The following PCDHGA7 variants were observed in gnomAD, a reference collection of about 807,000 sequenced individuals.
PCDHGA7 encodes the protein protocadherin gamma subfamily A, 7.
Under a neutral mutation model 58.3 loss-of-function variants are expected in PCDHGA7, and 44 were observed. That is an observed-to-expected ratio of 0.75 (90% CI 0.59 to 0.97). The LOEUF (loss-of-function observed/expected upper bound fraction) is 0.97. Ranked by LOEUF, PCDHGA7 falls within the 50% of genes least tolerant of loss-of-function variation. PCDHGA7 has a pLI of 0.00. For missense variants in PCDHGA7, 1,266 were observed against 1,188.7 expected, an observed-to-expected ratio of 1.06 and a Z score of -0.96; for synonymous variants, 516 against 504.2, an observed-to-expected ratio of 1.02 and a Z score of -0.31.
At position 141,490,370 on chromosome 5, in the gene PCDHGA7, G is replaced by C. The variant is rs768474199; in HGVS notation, c.2425-4437G>C. ...GTGGGGTTGTTTAATGTGCGAGACC[G>C]GGACTCAGGTAGAAATGGTGAAGTG... On this transcript the variant is annotated intron_variant, in intron 1 of 3. Coordinates refer to ENST00000518325, the MANE Select transcript of PCDHGA7 (RefSeq NM_018920.4). The surrounding 1 kb of genome is among the most constrained non-coding windows in gnomAD (Gnocchi z 5.4). 1 of 1,614,172 alleles carries C rather than the reference G, an allele frequency of 6.2e-7. No individual in the cohort carries two copies. Among genetic ancestry groups the C allele is most frequent in the Admixed American group, 1.7e-5 (1 of 60,026 alleles).
rs754433753 is a variant in PCDHGA7 at position 141,399,914 on chromosome 5, A to G, written c.2424+14591A>G. On this transcript the variant is annotated intron_variant, in intron 1 of 3. Transcript: ENST00000518325. ...GTGGCCGTGGACGCAGACTCAGGACACAACGCCTGGCTGTCCTACCACGTG... is the reference window on the plus strand; with the variant it reads ...GTGGCCGTGGACGCAGACTCAGGACGCAACGCCTGGCTGTCCTACCACGTG... The G allele has an allele frequency of 2.7e-5, 44 of 1,612,236 alleles. No homozygotes were observed. In the Admixed American group the frequency reaches 7.3e-4, roughly 27 times the overall value.
At position 141,487,934 on chromosome 5, in the gene PCDHGA7, C is replaced by G; in HGVS notation, c.2425-6873C>G. 4.9e-6 allele frequency: 3 copies of G among 607,674 alleles called. No individual in the cohort carries two copies. Among genetic ancestry groups the G allele is most frequent in the Non-Finnish European group, 5.8e-6 (2 of 347,576 alleles). The allele number at this position is 607,674 out of a possible 1,614,324, so 37.6% of individuals were successfully genotyped here. A position where few individuals can be genotyped will look rare whatever the true frequency, so the allele number is the denominator to read the frequency against. On this transcript the variant is annotated intron_variant, in intron 1 of 3. Transcript: ENST00000518325. The surrounding 1 kb of genome is among the most constrained non-coding windows in gnomAD (Gnocchi z 5.0). ...ACAGGAGGCTACAGTGCACAGGGTA[C>G]AGTGCACCAGGCAGTCACTTGGACA... is the stretch of plus-strand genomic sequence containing the variant.
intron 1 of PCDHGA7, chr5:141,422,184 A>T: frequency 6.4e-7 from 1 of 1,561,838 alleles, no homozygotes; most frequent in Non-Finnish European, 8.6e-7. Context: ...ATGAGATGGA[A>T]ATTCAAGGCC....
At chr5:141,395,374 T>A in intron 1 of PCDHGA7, 1 of 1,187,898 alleles carries the variant, frequency 8.4e-7, no homozygotes. Context: ...ATTTTGGTGG[T>A]GTTACTATAA....
chr5:141,510,510 G>C (rs1042950478), intron 3 of PCDHGA7, among the ~76,000 whole-genome samples: 1 of 152,132 alleles, frequency 6.6e-6, no homozygotes, highest in Non-Finnish European at 1.5e-5. Context: ...CTGAGAGCCC[G>C]TGTCACAGCC....
chr5:141,494,661 G>A, intron 1 of PCDHGA7, 146 bp from the exon 2 acceptor site: 2 of 1,492,976 alleles, frequency 1.3e-6, no homozygotes, highest in Non-Finnish European at 1.8e-6. Context: ...TTTGTCTTTG[G>A]AGATGAGTCC....
chr5:141,427,222 A>G (rs536161247), intron 1 of PCDHGA7: 1 of 456,774 alleles, frequency 2.2e-6, no homozygotes, highest in South Asian at 1.5e-5. Flanking sequence ...CGTAGCAGTT[A>G]TACCATGAGA....
intron 1 of PCDHGA7, chr5:141,393,962 CTG>C: frequency 6.2e-7 from 1 of 1,613,894 alleles, no homozygotes; most frequent in Non-Finnish European, 8.5e-7. Context: ...GTCAAGTTGT[CTG>C]TTACACACGT....
At chr5:141,465,730 T>G (rs1373873081) in intron 1 of PCDHGA7, among the ~76,000 whole-genome samples, 2 of 152,186 alleles carry the variant, frequency 1.3e-5, no homozygotes, top group Non-Finnish European at 2.9e-5. Context: ...CCTCTTGTGC[T>G]TTGTTTTCAG....
chr5:141,385,308 C>G lies in PCDHGA7; in HGVS notation c.2409C>G (p.Asn803Lys). ...TSVDFQECKE[N>K]LPSIQQAPPN... The stretch of plus-strand genomic sequence containing the variant: ...TAGATTTTCAGGAATGTAAAGAAAA[C>G]CTGCCAAGTATTCAGGTGAGCCCAG... Residue 803 changes from asparagine (N) to lysine (K), a missense_variant, in exon 1 of 4, where the codon AAC (asparagine) becomes AAG (lysine). Physicochemically the swap from Asn to Lys is moderately conservative, Grantham distance 94. Coordinates refer to ENST00000518325, the MANE Select transcript of PCDHGA7 (RefSeq NM_018920.4). 1.9e-6 allele frequency: 3 copies of G among 1,612,216 alleles called. No individual in the cohort carries two copies. Among genetic ancestry groups the G allele is most frequent in the Non-Finnish European group, 2.5e-6 (3 of 1,178,868 alleles).
chr5:141,492,503 A>G (rs1341352458), intron 1 of PCDHGA7, among the ~76,000 whole-genome samples: 1 of 151,188 alleles, frequency 6.6e-6, no homozygotes, highest in Non-Finnish European at 1.5e-5. Context: ...AGGACTCCGG[A>G]GCCTCCTCTC....
Position 141,483,506 on chromosome 5 carries a change from T to A in PCDHGA7, c.2425-11301T>A, listed in dbSNP as rs964063329. ...AGGGACAGGGATGAGTCAAGGCTGA[T>A]CCCCCTAGATCCTGACTAAGGAAGC... On this transcript the variant is annotated intron_variant, in intron 1 of 3. Coordinates refer to ENST00000518325, the MANE Select transcript of PCDHGA7 (RefSeq NM_018920.4). Among the ~76,000 whole-genome samples the A allele has an allele frequency of 2.7e-5, 4 of 148,396 alleles. No individual in the cohort carries two copies. In the South Asian group the frequency reaches 8.5e-4, roughly 32 times the overall value.
chr5:141,477,778 C>A lies in PCDHGA7; in HGVS notation c.2425-17029C>A. The stretch of plus-strand genomic sequence containing the variant: ...TCCTAGCCACCAACATCAGCGTGAA[C>A]ATATTTGTCACTGATCGCAATGACA... On this transcript the variant is annotated intron_variant, in intron 1 of 3. Coordinates refer to ENST00000518325, the MANE Select transcript of PCDHGA7 (RefSeq NM_018920.4). The surrounding 1 kb of genome is among the most constrained non-coding windows in gnomAD (Gnocchi z 4.9). The A allele has an allele frequency of 6.2e-7, 1 of 1,614,052 alleles. No individual in the cohort carries two copies. The highest frequency in any genetic ancestry group is 8.5e-7 in the Non-Finnish European group (1 of 1,180,040).
chr5:141,416,053 A>T (rs2095987443), intron 1 of PCDHGA7: 1 of 181,266 alleles, frequency 5.5e-6, no homozygotes, highest in South Asian at 1.8e-4. Flanking sequence ...CACAACCCAA[A>T]TCCAAGAATA....
Position 141,476,370 on chromosome 5 carries a change from A to G in PCDHGA7, c.2425-18437A>G, listed in dbSNP as rs747703594. 13 of 1,613,882 alleles carry G rather than the reference A, an allele frequency of 8.1e-6. No individual in the cohort carries two copies. In the East Asian group the frequency reaches 2.7e-4, roughly 33 times the overall value. On this transcript the variant is annotated intron_variant, in intron 1 of 3. Transcript: ENST00000518325. This position sits in a 1 kb window ranked among gnomAD's most constrained non-coding sequence, Gnocchi z 7.6. ...TTTGAGGTGAACCGGGAGACCGGAG[A>G]GATGTTTGTGAACGACCGTCTGGAT...
At chr5:141,474,606 T>C (rs1156236978) in intron 1 of PCDHGA7, among the ~76,000 whole-genome samples, 1 of 152,242 alleles carries the variant, frequency 6.6e-6, no homozygotes, top group Non-Finnish European at 1.5e-5. Context: ...ATAGGTCACA[T>C]ATGGCTTTTC....
chr5:141,458,404 G>A lies in PCDHGA7; in HGVS notation c.2425-36403G>A, dbSNP rs183963289. Among the ~76,000 whole-genome samples the A allele has an allele frequency of 4.6e-5, 7 of 152,218 alleles. No homozygotes were observed. The East Asian group carries it at 5.8e-4, about 13-fold the overall frequency. ...GGAAGACGCTCCCCCTTGCAGAGAC[G>A]GAGCGGGGGTTCCAAAGCTGAAAGA... On this transcript the variant is annotated intron_variant, in intron 1 of 3. Transcript: ENST00000518325.
chr5:141,398,740 C>T, intron 1 of PCDHGA7: 1 of 1,613,864 alleles, frequency 6.2e-7, no homozygotes, highest in Non-Finnish European at 8.5e-7. Flanking sequence ...CCGGGAACAA[C>T]AGAGTTACCA....
Position 141,476,540 on chromosome 5 carries a change from T to C in PCDHGA7, c.2425-18267T>C, listed in dbSNP as rs148362631. On this transcript the variant is annotated intron_variant, in intron 1 of 3. Coordinates refer to ENST00000518325, the MANE Select transcript of PCDHGA7 (RefSeq NM_018920.4). The surrounding 1 kb of genome is among the most constrained non-coding windows in gnomAD (Gnocchi z 7.6). Reference sequence around the variant, plus strand: ...TGCTTTCCCTACCCAGGAAATGAAATTGGAGATTAGCGAGGCCGTGGCTCC... The same window carrying C: ...TGCTTTCCCTACCCAGGAAATGAAACTGGAGATTAGCGAGGCCGTGGCTCC... 9.4e-5 allele frequency: 151 copies of C among 1,614,122 alleles called. 1 individual carries two copies. In the African/African-American group the frequency reaches 1.3e-3, roughly 14 times the overall value.
Sources: allele counts gnomAD v4.1 joint callset (sites outside exome capture counted in the v4.1 genomes callset), GRCh38; gene constraint gnomAD v4.1.1; non-coding constraint Gnocchi (gnomAD v3.1); transcripts MANE v1.5; gene names NCBI Gene and HGNC (gene_info 2026-07-23, HGNC 2026-07-21).